CLCN3: variants seen among roughly 807,000 people sequenced by gnomAD.
The protein encoded by CLCN3 is Cl-/H+ antiporter 3.
Under a neutral mutation model 83.4 loss-of-function variants are expected in CLCN3, and 16 were observed. The ratio of observed to expected loss-of-function variants is 0.19; its 90% CI spans 0.13 to 0.29. The LOEUF is 0.29. Among genes scored for constraint, CLCN3 ranks in the 10% least tolerant of loss-of-function variants. The pLI is 1.00. For synonymous variants in CLCN3, 322 were observed against 346.2 expected, an observed-to-expected ratio of 0.93 and a Z score of 0.78; for missense variants, 544 against 1,006.0, an observed-to-expected ratio of 0.54 and a Z score of 6.21.
intron 2 of CLCN3, among the ~76,000 whole-genome samples, chr4:169,639,518 G>C (rs1217849496): frequency 6.6e-6 from 1 of 152,214 alleles, no homozygotes; most frequent in Non-Finnish European, 1.5e-5. Context: ...GTAAAGGGAA[G>C]ATAATGCATG....
At chr4:169,668,313 G>A (rs1343868405) in intron 2 of CLCN3, among the ~76,000 whole-genome samples, 2 of 151,962 alleles carry the variant, frequency 1.3e-5, no homozygotes, top group Non-Finnish European at 2.9e-5. Flanking sequence ...ACCACTACAC[G>A]TGGCTTTCCT....
rs374523926 is a variant in CLCN3, at chr4:169,696,856, T to C, written c.1018-333T>C. Among the ~76,000 whole-genome samples the C allele has an allele frequency of 2.0e-5, 3 of 151,814 alleles. No homozygotes were observed. In the East Asian group the frequency reaches 5.8e-4, roughly 29 times the overall value. On this transcript the variant is annotated intron_variant, in intron 8 of 12. Transcript: ENST00000513761. ...TAGAAGAGGCAAATTAAATGCATTA[T>C]AAGTTAACAGGAGTTGGTGATGGTA...
At chr4:169,712,021 A>ATT (rs564857112) in intron 11 of CLCN3, among the ~76,000 whole-genome samples, 7,841 of 114,700 alleles carry the variant, frequency 0.068, 341 homozygotes, top group African/African-American at 0.09. Flanking sequence ...TGCTTGGCCG[A>ATT]TTTTTTTTTT....
At chr4:169,639,206 A>AT (rs1581195412) in intron 2 of CLCN3, among the ~76,000 whole-genome samples, 5 of 152,086 alleles carry the variant, frequency 3.3e-5, no homozygotes, top group Admixed American at 3.3e-4. Context: ...ATTTTTTAAA[A>AT]TTTTTTGTAA....
chr4:169,629,111 G>A (rs1773304152), intron 1 of CLCN3, among the ~76,000 whole-genome samples: 1 of 152,204 alleles, frequency 6.6e-6, no homozygotes, highest in African/African-American at 2.4e-5. Context: ...ACTATGGGTT[G>A]CTAGGGGTTA....
chr4:169,638,727 G>C (rs1730312425), intron 2 of CLCN3, among the ~76,000 whole-genome samples: 1 of 152,172 alleles, frequency 6.6e-6, no homozygotes, highest in East Asian at 1.9e-4. Context: ...TCTTCAACAG[G>C]AGAGAGTGCC....
Position 169,720,444 on chromosome 4 carries a change from T to G in CLCN3, c.*447T>G, listed in dbSNP as rs1733592870. 6.1e-6 allele frequency: 1 copy of G among 163,890 alleles called. No individual in the cohort carries two copies. Among genetic ancestry groups the G allele is most frequent in the Non-Finnish European group, 1.3e-5 (1 of 75,856 alleles). The allele number at this position is 163,890 out of a possible 1,614,324, so 10.2% of individuals were successfully genotyped here. A position where few individuals can be genotyped will look rare whatever the true frequency, so the allele number is the denominator to read the frequency against. ...CTATAAAACTGCAAGGTCTTGCCCT[T>G]TTTTTTAATCAAAACTGTTCTGTTT... On this transcript the variant is annotated 3_prime_UTR_variant, in exon 13 of 13. Coordinates refer to ENST00000513761, the MANE Select transcript of CLCN3 (RefSeq NM_001829.4).
intron 7 of CLCN3, among the ~76,000 whole-genome samples, chr4:169,693,785 T>A (rs939991070): frequency 1.3e-5 from 2 of 152,224 alleles, no homozygotes; most frequent in African/African-American, 4.8e-5. Context: ...ATTTATTAGA[T>A]GTTTGAGAAA....
Position 169,620,999 on chromosome 4 carries a change from A to T in CLCN3, c.-81A>T, listed in dbSNP as rs1319884423. ...GGTAGCTAGGTTCTAGGTTTGAAAC[A>T]GATGCAGAATCCAAAGGCAGCGCAA... On this transcript the variant is annotated 5_prime_UTR_variant, in exon 1 of 13. Coordinates refer to ENST00000513761, the MANE Select transcript of CLCN3 (RefSeq NM_001829.4). The T allele has an allele frequency of 2.5e-6, 1 of 398,062 alleles. No homozygotes were observed. The highest frequency in any genetic ancestry group is 3.6e-5 in the East Asian group (1 of 28,080). 24.7% of individuals were successfully genotyped at this position (398,062 alleles called of 1,614,324 possible).
intron 3 of CLCN3, among the ~76,000 whole-genome samples, chr4:169,681,178 G>C (rs1731923037): frequency 6.6e-6 from 1 of 152,152 alleles, no homozygotes; most frequent in Non-Finnish European, 1.5e-5. Context: ...CTCCTGAGTA[G>C]CTGGAATTAT....
chr4:169,667,352 T>A (rs1731283195), intron 2 of CLCN3, among the ~76,000 whole-genome samples: 2 of 152,220 alleles, frequency 1.3e-5, no homozygotes, highest in Non-Finnish European at 2.9e-5. Context: ...AATGAATAAT[T>A]TTAAGTAATT....
intron 2 of CLCN3, among the ~76,000 whole-genome samples, chr4:169,670,834 T>C (rs2150229132): frequency 6.6e-6 from 1 of 152,220 alleles, no homozygotes; most frequent in South Asian, 2.1e-4. Flanking sequence ...CCTTCACGTC[T>C]CTTTTAAGTT....
At chr4:169,698,233 T>G (rs1732643503) in intron 9 of CLCN3, among the ~76,000 whole-genome samples, 1 of 152,224 alleles carries the variant, frequency 6.6e-6, no homozygotes, top group Admixed American at 6.5e-5. Flanking sequence ...TCCCTTGTGT[T>G]ACAAACAATC....
intron 3 of CLCN3, chr4:169,680,447 A>C (rs1300592648): frequency 2.7e-6 from 1 of 368,248 alleles, no homozygotes; most frequent in Non-Finnish European, 4.9e-6. Context: ...TACAATAAGA[A>C]GACAAAATAA....
chr4:169,699,811 G>A (rs1413026688), intron 9 of CLCN3, among the ~76,000 whole-genome samples: 1 of 152,148 alleles, frequency 6.6e-6, no homozygotes, highest in Admixed American at 6.5e-5. Context: ...AAACCCAGGA[G>A]GTGGAGGTTG....
In CLCN3 at chr4:169,707,199, C is replaced by A; in HGVS notation, c.2082C>A (p.Val694=). ...INETSYNGFP[V]IMSKESQRLV... ...AAACCAGCTACAATGGATTTCCTGT[C>A]ATAATGTCAAAAGAATCTCAGAGAT... is the stretch of plus-strand genomic sequence containing the variant. The change falls in exon 11 of 13, where the codon GTC becomes GTA. Residue 694 remains valine, a synonymous_variant. Coordinates refer to ENST00000513761, the MANE Select transcript of CLCN3 (RefSeq NM_001829.4). 1 of 1,613,762 alleles carries A rather than the reference C, an allele frequency of 6.2e-7. No individual in the cohort carries two copies. The highest frequency in any genetic ancestry group is 8.5e-7 in the Non-Finnish European group (1 of 1,179,814).
Position 169,644,344 on chromosome 4 carries a change from G to A in CLCN3, c.160+8256G>A, listed in dbSNP as rs1054935326. ...ACGATCTTGGCTCACTGCAACCTCC[G>A]CCTCCCGGGTTCAAGCAATTCTCGT... On this transcript the variant is annotated intron_variant, in intron 2 of 12. Transcript: ENST00000513761. Among the ~76,000 whole-genome samples, 9 of 147,486 alleles carry A rather than the reference G, an allele frequency of 6.1e-5. No individual in the cohort carries two copies. In the South Asian group the frequency reaches 1.1e-3, roughly 18 times the overall value.
At chr4:169,661,473 C>T (rs1320456735) in intron 2 of CLCN3, among the ~76,000 whole-genome samples, 1 of 151,756 alleles carries the variant, frequency 6.6e-6, no homozygotes, top group Non-Finnish European at 1.5e-5. Context: ...TATTAAGTTC[C>T]ACTATAATTT....
chr4:169,703,903 G>A (rs1732889893), intron 9 of CLCN3, 95 bp from the exon 10 acceptor site: 1 of 1,231,086 alleles, frequency 8.1e-7, no homozygotes, highest in Non-Finnish European at 1.2e-6. Context: ...AATGTGAAAA[G>A]AATCAAAAGT....
Sources: gnomAD v4.1 joint callset for allele counts (sites outside exome capture counted in the v4.1 genomes callset) on GRCh38, gnomAD v4.1.1 for gene constraint, MANE v1.5 for transcripts, NCBI Gene and HGNC (gene_info 2026-07-23, HGNC 2026-07-21) for gene names.